Variants in ENOX1 observed in about 807,000 individuals in gnomAD.
ENOX1 encodes candidate growth-related and time keeping constitutive hydroquinone (NADH) oxidase.
A neutral mutation model predicts 82.5 loss-of-function variants in ENOX1; 42 were observed. That is an observed-to-expected ratio of 0.51 (90% CI 0.40 to 0.66). ENOX1 has a LOEUF of 0.66. Among genes scored for constraint, ENOX1 ranks in the 30% least tolerant of loss-of-function variants. The pLI, the probability that ENOX1 is intolerant of heterozygous loss-of-function variation, is 0.00. For missense variants in ENOX1, 608 were observed against 811.6 expected, an observed-to-expected ratio of 0.75 and a Z score of 3.05; for synonymous variants, 271 against 282.2, an observed-to-expected ratio of 0.96 and a Z score of 0.40.
chr13:43,555,274 C>T (rs897157037), intron 2 of ENOX1, among the ~76,000 whole-genome samples: 4 of 152,184 alleles, frequency 2.6e-5, no homozygotes, highest in African/African-American at 7.2e-5. Context: ...TAGCATCAGC[C>T]GTATATGTGT....
intron 3 of ENOX1, among the ~76,000 whole-genome samples, chr13:43,460,644 A>C (rs544795417): frequency 1.4e-4 from 21 of 152,168 alleles, no homozygotes; most frequent in African/African-American, 5.1e-4. Context: ...AATACAAAAA[A>C]TTAGCTGGGC....
At position 43,686,798 on chromosome 13, in the gene ENOX1, G is replaced by A. The variant is rs569770947; in HGVS notation, c.-284-19254C>T. Among the ~76,000 whole-genome samples, 47 of 152,232 alleles carry A rather than the reference G, an allele frequency of 3.1e-4. 2 individuals carry two copies. In the East Asian group the frequency reaches 8.5e-3, roughly 28 times the overall value. ...CTGTCTTCTCTCCTATGACTCATCCGAGTATGTCAAAGAAATGCTGCTAAT... is the reference window on the plus strand; with the variant it reads ...CTGTCTTCTCTCCTATGACTCATCCAAGTATGTCAAAGAAATGCTGCTAAT... On this transcript the variant is annotated intron_variant, in intron 1 of 16. Coordinates refer to ENST00000690772, the MANE Select transcript of ENOX1 (RefSeq NM_001347969.2).
At chr13:43,674,327 C>A (rs1203962325) in intron 1 of ENOX1, among the ~76,000 whole-genome samples, 1 of 151,962 alleles carries the variant, frequency 6.6e-6, no homozygotes, top group Non-Finnish European at 1.5e-5. Context: ...GCAATAGGTG[C>A]TATGAAGAAA....
At chr13:43,633,989 CA>C (rs1291363177) in intron 2 of ENOX1, among the ~76,000 whole-genome samples, 3 of 151,398 alleles carry the variant, frequency 2.0e-5, no homozygotes, top group Non-Finnish European at 3.0e-5. Flanking sequence ...AACTTAAAAG[CA>C]ACACCTACTT....
chr13:43,465,622 G>GATACCTTT (rs2057684831), intron 3 of ENOX1, among the ~76,000 whole-genome samples: 1 of 151,998 alleles, frequency 6.6e-6, no homozygotes, highest in Admixed American at 6.6e-5. Context: ...CTGCTCCCAG[G>GATACCTTT]CCCCCTCAGC....
chr13:43,690,057 C>T (rs909705971), intron 1 of ENOX1, among the ~76,000 whole-genome samples: 7 of 152,122 alleles, frequency 4.6e-5, no homozygotes, highest in Non-Finnish European at 1.0e-4. Context: ...GGCTCTTCCT[C>T]CAAGAGATCT....
chr13:43,378,193 T>G (rs188105858), intron 5 of ENOX1, among the ~76,000 whole-genome samples: 108 of 152,258 alleles, frequency 7.1e-4, no homozygotes, highest in African/African-American at 2.4e-3. Context: ...TAAAACAAAG[T>G]GAGCCATATG....
chr13:43,595,964 C>T (rs1055892939), intron 2 of ENOX1, among the ~76,000 whole-genome samples: 2 of 152,074 alleles, frequency 1.3e-5, no homozygotes, highest in Non-Finnish European at 2.9e-5. Context: ...TCTAAGAATT[C>T]CTCTTCAAAA....
At chr13:43,581,315 G>T (rs992547271) in intron 2 of ENOX1, among the ~76,000 whole-genome samples, 2 of 150,484 alleles carry the variant, frequency 1.3e-5, no homozygotes, top group African/African-American at 4.9e-5. Flanking sequence ...TGTATTTTTA[G>T]TAGAGACGGG....
rs113698207 is a variant in ENOX1 at position 43,387,294 on chromosome 13, T to C, written c.208+24622A>G. ...GAGGAAGCCGTTTGATTGGTTAAGA[T>C]GGTCTGTCTGGAAAAGAACTTTTGA... On this transcript the variant is annotated intron_variant, in intron 5 of 16. Transcript: ENST00000690772. Among the ~76,000 whole-genome samples the C allele has an allele frequency of 6.8e-4, 104 of 152,306 alleles. 2 individuals carry two copies. The highest frequency in any genetic ancestry group is 2.2e-3 in the African/African-American group (91 of 41,568).
chr13:43,529,929 C>T (rs1476148142), intron 2 of ENOX1, among the ~76,000 whole-genome samples: 1 of 152,116 alleles, frequency 6.6e-6, no homozygotes, highest in Non-Finnish European at 1.5e-5. Flanking sequence ...ACTATGAATG[C>T]AGCTGTCACA....
At chr13:43,549,296 T>C (rs1361392769) in intron 2 of ENOX1, among the ~76,000 whole-genome samples, 1 of 152,208 alleles carries the variant, frequency 6.6e-6, no homozygotes, top group Non-Finnish European at 1.5e-5. Flanking sequence ...ACCTTTAATG[T>C]CTCTATCTTG....
At chr13:43,624,268 GA>G (rs772021265) in intron 2 of ENOX1, among the ~76,000 whole-genome samples, 3 of 151,936 alleles carry the variant, frequency 2.0e-5, no homozygotes, top group Non-Finnish European at 4.4e-5. Context: ...TTTTTTAACT[GA>G]ATTGTTTTTT....
intron 2 of ENOX1, among the ~76,000 whole-genome samples, chr13:43,601,766 C>T (rs975037657): frequency 5.3e-5 from 8 of 152,226 alleles, no homozygotes; most frequent in African/African-American, 1.9e-4. Context: ...ATCAAACTCC[C>T]AAACGTCAGG....
chr13:43,412,756 C>T (rs2054209093), intron 4 of ENOX1, 89 bp downstream of exon 4: 1 of 1,500,676 alleles, frequency 6.7e-7, no homozygotes, highest in Admixed American at 1.8e-5. Flanking sequence ...GCTCCTGGTT[C>T]AATGCATATT....
intron 2 of ENOX1, among the ~76,000 whole-genome samples, chr13:43,566,245 A>AT (rs552339659): frequency 1.8e-4 from 27 of 152,040 alleles, no homozygotes; most frequent in African/African-American, 5.3e-4. Context: ...TTGACACAAG[A>AT]TTTTTTTTAA....
chr13:43,337,501 T>C (rs2048782541), intron 9 of ENOX1, among the ~76,000 whole-genome samples: 1 of 152,144 alleles, frequency 6.6e-6, no homozygotes, highest in Non-Finnish European at 1.5e-5. Flanking sequence ...CAAGGTTTCA[T>C]GGAGGAAATG....
intron 1 of ENOX1, among the ~76,000 whole-genome samples, chr13:43,742,865 G>A (rs1295983045): frequency 1.3e-5 from 2 of 151,996 alleles, no homozygotes; most frequent in African/African-American, 4.8e-5. Context: ...TAGACAAACT[G>A]CAATTTTGGG....
At position 43,412,940 on chromosome 13, in the gene ENOX1, G is replaced by T. The variant is rs753230912; in HGVS notation, c.-26C>A. 8 of 1,613,380 alleles carry T rather than the reference G, an allele frequency of 5.0e-6. No individual in the cohort carries two copies. The highest frequency in any genetic ancestry group is 6.8e-6 in the Non-Finnish European group (8 of 1,179,874). ...TGAATTATGAGTGTCCAGAGGGGCAGGAACACTTTGATGGCTGAGTGCAGG... is the reference window on the plus strand; with the variant it reads ...TGAATTATGAGTGTCCAGAGGGGCATGAACACTTTGATGGCTGAGTGCAGG... On this transcript the variant is annotated 5_prime_UTR_variant, in exon 4 of 17. It adds an upstream start codon to the 5' untranslated region. Transcript: ENST00000690772.
Sources: gnomAD v4.1 joint callset for allele counts (sites outside exome capture counted in the v4.1 genomes callset) on GRCh38, gnomAD v4.1.1 for gene constraint, MANE v1.5 for transcripts, NCBI Gene and HGNC (gene_info 2026-07-23, HGNC 2026-07-21) for gene names.